The following MARK2 variants were observed in gnomAD, a reference collection of about 807,000 sequenced individuals.
MARK2 encodes serine/threonine-protein kinase MARK2.
A neutral mutation model predicts 89.8 loss-of-function variants in MARK2; 16 were observed. That is an observed-to-expected ratio of 0.18 (90% confidence interval 0.12 to 0.27). MARK2 has a LOEUF of 0.27. Among genes scored for constraint, MARK2 ranks in the 10% least tolerant of loss-of-function variants. MARK2 has a pLI of 1.00. For synonymous variants in MARK2, 382 were observed against 399.5 expected (o/e 0.96, Z 0.52); for missense variants, 621 against 1,049.9 (o/e 0.59, Z 5.65).
At position 63,840,159 on chromosome 11, in the gene MARK2, C is replaced by T. The variant is rs181587932; in HGVS notation, c.54+599C>T. 9.2e-5 allele frequency among the ~76,000 whole-genome samples: 14 copies of T among 152,332 alleles called. No homozygotes were observed. In the East Asian group the frequency reaches 2.7e-3, roughly 29 times the overall value. ...GCTTGCAACCCACCAGCTCCACCCT[C>T]ATCACCTTTCCAAATCCTTCGCCTA... On this transcript the variant is annotated intron_variant, in intron 1 of 18. Coordinates refer to ENST00000402010, the MANE Select transcript of MARK2 (RefSeq NM_001039469.3).
At chr11:63,886,956 G>C (rs1218553718) in intron 1 of MARK2, among the ~76,000 whole-genome samples, 2 of 152,266 alleles carry the variant, frequency 1.3e-5, no homozygotes, top group African/African-American at 4.8e-5. Flanking sequence ...AAGGGCCGGA[G>C]GGCCCGGGCA....
chr11:63,872,092 C>CT (rs1405975529), intron 1 of MARK2, among the ~76,000 whole-genome samples: 1 of 152,208 alleles, frequency 6.6e-6, no homozygotes, highest in African/African-American at 2.4e-5. Context: ...CCAGTGGAGG[C>CT]TGATGGTAGC....
chr11:63,898,235 T>C lies in MARK2; in HGVS notation c.292T>C (p.Phe98Leu). ...QLNSSSLQKL[F>L]REVRIMKVLN... is the part of the protein sequence containing the mutation. ...CCCCTGGTATTTTATCTTCCAGCTA[T>C]TCCGCGAAGTAAGAATAATGAAGGT... The change falls in exon 4 of 19, where the codon TTC (phenylalanine) becomes CTC (leucine). Residue 98 changes from phenylalanine (F) to leucine (L), a missense_variant. Coordinates refer to ENST00000402010, the MANE Select transcript of MARK2 (RefSeq NM_001039469.3). The C allele has an allele frequency of 6.2e-7, 1 of 1,613,976 alleles. No individual in the cohort carries two copies. Among genetic ancestry groups the C allele is most frequent in the South Asian group, 1.1e-5 (1 of 91,078 alleles).
In MARK2 at chr11:63,904,754, C is replaced by T. The variant is rs759194282; in HGVS notation, c.1677-32C>T. 11 of 1,602,152 alleles carry T rather than the reference C, an allele frequency of 6.9e-6. No homozygotes were observed. The East Asian group carries it at 1.1e-4, about 16-fold the overall frequency. ...GTGATGGCTGTCCTGTACCCTAATT[C>T]GTCCCCCTCAACCCCACTTCTCTTC... On this transcript the variant is annotated intron_variant, in intron 15 of 18. Coordinates refer to ENST00000402010, the MANE Select transcript of MARK2 (RefSeq NM_001039469.3). The surrounding 1 kb of genome is among the most constrained non-coding windows in gnomAD (Gnocchi z 6.3).
chr11:63,844,251 A>G (rs1348784136), intron 1 of MARK2, among the ~76,000 whole-genome samples: 1 of 152,230 alleles, frequency 6.6e-6, no homozygotes, highest in Non-Finnish European at 1.5e-5. Context: ...AAGCCAAGGC[A>G]GGAGGATTGC....
chr11:63,846,448 CG>C lies in MARK2; in HGVS notation c.54+6890del, dbSNP rs1419144996. 5.3e-5 allele frequency among the ~76,000 whole-genome samples: 8 copies of C among 151,596 alleles called. No homozygotes were observed. The East Asian group carries it at 1.6e-3, about 30-fold the overall frequency. Reference sequence around the variant, plus strand: ...TCAGCTCACTGCAACCTCCGCCTCCCGGATTCAAGTGATTCTCCTGTCTCAG... The same window carrying C: ...TCAGCTCACTGCAACCTCCGCCTCCCGATTCAAGTGATTCTCCTGTCTCAG... On this transcript the variant is annotated intron_variant, in intron 1 of 18. Transcript: ENST00000402010.
At chr11:63,896,639 G>A (rs774729051) in intron 3 of MARK2, among the ~76,000 whole-genome samples, 9 of 152,192 alleles carry the variant, frequency 5.9e-5, no homozygotes, top group African/African-American at 9.7e-5. Context: ...GTTGTTCTCC[G>A]GACATGCAAA....
At chr11:63,896,232 C>T (rs2135328979) in intron 3 of MARK2, among the ~76,000 whole-genome samples, 1 of 152,340 alleles carries the variant, frequency 6.6e-6, no homozygotes, top group Admixed American at 6.5e-5. Context: ...GTCTGACCTA[C>T]TTCCTGCATC....
chr11:63,850,827 C>T (rs2016538598), intron 1 of MARK2, among the ~76,000 whole-genome samples: 1 of 151,956 alleles, frequency 6.6e-6, no homozygotes, highest in African/African-American at 2.4e-5. Flanking sequence ...CTCGTCTTTT[C>T]TTTCTTCCTT....
chr11:63,866,117 C>T (rs1938114317), intron 1 of MARK2, among the ~76,000 whole-genome samples: 1 of 151,906 alleles, frequency 6.6e-6, no homozygotes, highest in Admixed American at 6.6e-5. Context: ...TTTGGGTGGT[C>T]GAGGCGGGCA....
At chr11:63,864,377 C>G (rs1030171230) in intron 1 of MARK2, among the ~76,000 whole-genome samples, 1 of 152,160 alleles carries the variant, frequency 6.6e-6, no homozygotes, top group Non-Finnish European at 1.5e-5. Context: ...CTCATCCTCC[C>G]GAGTAGCTGG....
At position 63,895,167 on chromosome 11, in the gene MARK2, G is replaced by T; in HGVS notation, c.63G>T (p.Leu21Phe). Residue 21 changes from leucine to phenylalanine, a missense_variant, in exon 2 of 19, where the codon TTG becomes TTT. Coordinates refer to ENST00000402010, the MANE Select transcript of MARK2 (RefSeq NM_001039469.3). ...LNERDTEQPT[L>F]GHLDSKPSSK... ...CTGTTTCCACCCCGCAGCCCACCTT[G>T]GGACACCTTGACTCCAAGCCCAGCA... The T allele has an allele frequency of 1.2e-6, 2 of 1,612,506 alleles. No individual in the cohort carries two copies. The highest frequency in any genetic ancestry group is 1.7e-6 in the Non-Finnish European group (2 of 1,178,934).
intron 1 of MARK2, among the ~76,000 whole-genome samples, chr11:63,866,859 C>G (rs1938164368): frequency 6.6e-6 from 1 of 152,170 alleles, no homozygotes; most frequent in African/African-American, 2.4e-5. Context: ...ATCTTTACCC[C>G]CCAGGCTCTG....
Position 63,898,853 on chromosome 11 carries a change from T to C in MARK2, c.474+20T>C. On this transcript the variant is annotated intron_variant, in intron 6 of 18. Coordinates refer to ENST00000402010, the MANE Select transcript of MARK2 (RefSeq NM_001039469.3). ...CGCCAGGTAGGTGTGACTCCCTCCA[T>C]AGGAGCTAGGCCTGACCTCTGCTTT... The C allele has an allele frequency of 6.2e-7, 1 of 1,607,484 alleles. No individual in the cohort carries two copies. The highest frequency in any genetic ancestry group is 1.1e-5 in the South Asian group (1 of 90,918).
chr11:63,902,762 A>G lies in MARK2; in HGVS notation c.1396A>G (p.Thr466Ala). ...SPLPGLERKK[T>A]TPTPSTNSVL... ...CCTGCCCGGTCTGGAGAGGAAGAAG[A>G]CCACCCCAACCCCCTCCACGGTGAG... Residue 466 changes from threonine (T) to alanine (A), a missense_variant, in exon 13 of 19, where the codon ACC (threonine) becomes GCC (alanine). By Grantham distance (58) the Thr-to-Ala change is moderately conservative. This residue lies in a region of MARK2 where 397 missense variants were observed against 567.8 expected (regional missense o/e 0.70). Coordinates refer to ENST00000402010, the MANE Select transcript of MARK2 (RefSeq NM_001039469.3). This position sits in a 1 kb window ranked among gnomAD's most constrained non-coding sequence, Gnocchi z 4.2. The G allele has an allele frequency of 6.2e-7, 1 of 1,612,608 alleles. No individual in the cohort carries two copies. Among genetic ancestry groups the G allele is most frequent in the African/African-American group, 1.3e-5 (1 of 74,958 alleles).
intron 1 of MARK2, among the ~76,000 whole-genome samples, chr11:63,882,838 C>G (rs913884214): frequency 6.6e-6 from 1 of 152,170 alleles, no homozygotes; most frequent in Non-Finnish European, 1.5e-5. Context: ...AACATATATA[C>G]TAGGCAAAGA....
chr11:63,904,644 C>G lies in MARK2; in HGVS notation c.1677-142C>G. 1.4e-6 allele frequency: 1 copy of G among 716,244 alleles called. No individual in the cohort carries two copies. Among genetic ancestry groups the G allele is most frequent in the Non-Finnish European group, 2.5e-6 (1 of 401,516 alleles). 44.4% of individuals were successfully genotyped at this position (716,244 alleles called of 1,614,324 possible). ...TTCTCACCACTGTCCTCAGTAGTCA[C>G]ACCCTTCCTTCTGTGTCCTCGTGAT... On this transcript the variant is annotated intron_variant, in intron 15 of 18. Transcript: ENST00000402010. This position sits in a 1 kb window ranked among gnomAD's most constrained non-coding sequence, Gnocchi z 6.3.
chr11:63,882,912 C>G (rs1374867580), intron 1 of MARK2, among the ~76,000 whole-genome samples: 1 of 152,220 alleles, frequency 6.6e-6, no homozygotes, highest in African/African-American at 2.4e-5. Context: ...TGCCTCCCCA[C>G]AGTCCTCTGT....
intron 1 of MARK2, among the ~76,000 whole-genome samples, chr11:63,883,087 G>A (rs1464742717): frequency 1.3e-5 from 2 of 152,204 alleles, no homozygotes; most frequent in African/African-American, 4.8e-5. Flanking sequence ...ACCGCATAAA[G>A]TGCGAGGCTG....
Sources: gnomAD v4.1 joint callset for allele counts (sites outside exome capture counted in the v4.1 genomes callset) on GRCh38, gnomAD v4.1.1 for gene constraint, gnomAD v4.1.1 regional missense constraint, Gnocchi (gnomAD v3.1) non-coding constraint, MANE v1.5 for transcripts, NCBI Gene and HGNC (gene_info 2026-07-23, HGNC 2026-07-21) for gene names.